Variants in CDC25C observed in about 807,000 individuals in gnomAD.
CDC25C encodes the protein M-phase inducer phosphatase 3.
Under a neutral mutation model 52.5 loss-of-function variants are expected in CDC25C, and 48 were observed. That is an observed-to-expected ratio of 0.91 (90% confidence interval 0.72 to 1.16). CDC25C has a LOEUF of 1.16. CDC25C is among the 50% of genes most tolerant of loss of function. The probability of loss-of-function intolerance (pLI) is 0.00; values close to 1 mark genes in which losing one functional copy is unlikely to be tolerated. For synonymous variants in CDC25C, 187 were observed against 206.5 expected (o/e 0.91, Z 0.81); for missense variants, 510 against 566.1 (o/e 0.90, Z 1.01).
intron 7 of CDC25C, among the ~76,000 whole-genome samples, chr5:138,292,962 T>C (rs1308470878): frequency 5.3e-5 from 8 of 152,314 alleles, no homozygotes; most frequent in African/African-American, 1.7e-4. Flanking sequence ...CTACCTGTTA[T>C]GGACTGATTT....
Position 138,286,637 on chromosome 5 carries a change from A to G in CDC25C, c.1027-7T>C. On this transcript the variant is annotated splice_region_variant and splice_polypyrimidine_tract_variant and intron_variant, in intron 11 of 13. Transcript: ENST00000323760. ...TATATAAGTTTAAGGCTCCCTGTAGAAGAAGAATTTTAGTAAGTATTTCCT... is the reference window on the plus strand; with the variant it reads ...TATATAAGTTTAAGGCTCCCTGTAGGAGAAGAATTTTAGTAAGTATTTCCT... 1 of 1,606,394 alleles carries G rather than the reference A, an allele frequency of 6.2e-7. No homozygotes were observed. Among genetic ancestry groups the G allele is most frequent in the Non-Finnish European group, 8.5e-7 (1 of 1,176,402 alleles).
chr5:138,327,946 A>T (rs566093322), intron 4 of CDC25C, among the ~76,000 whole-genome samples: 141 of 151,708 alleles, frequency 9.3e-4, no homozygotes, highest in African/African-American at 3.3e-3. Flanking sequence ...GGCTCACTGC[A>T]ACCTCCGCCT....
In CDC25C at chr5:138,330,976, A is replaced by G. The variant is rs1328407660; in HGVS notation, c.194+11T>C. 1 of 1,565,662 alleles carries G rather than the reference A, an allele frequency of 6.4e-7. No individual in the cohort carries two copies. Among genetic ancestry groups the G allele is most frequent in the Non-Finnish European group, 8.8e-7 (1 of 1,136,430 alleles). On this transcript the variant is annotated intron_variant, in intron 2 of 13. Transcript: ENST00000323760. ...AAAGGCAATACAGTGTAAAAATAAA[A>G]GTATATTTACCCAGACAAAATGCTT...
chr5:138,289,761 C>T (rs1345865632), intron 9 of CDC25C, among the ~76,000 whole-genome samples, 198 bp from the exon 10 acceptor site: 9 of 150,416 alleles, frequency 6.0e-5, no homozygotes, highest in Admixed American at 3.3e-4. Context: ...AGGATGTGTA[C>T]GAAGTTTTAG....
At chr5:138,287,832 C>T (rs1756377829) in intron 10 of CDC25C, among the ~76,000 whole-genome samples, 1 of 152,074 alleles carries the variant, frequency 6.6e-6, no homozygotes, top group South Asian at 2.1e-4. Flanking sequence ...CTTAAGTAAA[C>T]AGGAAAAGTA....
intron 7 of CDC25C, among the ~76,000 whole-genome samples, chr5:138,316,938 G>A (rs770621150): frequency 1.6e-4 from 24 of 152,024 alleles, no homozygotes; most frequent in Non-Finnish European, 3.1e-4. Flanking sequence ...TTACCTCGAC[G>A]CAGGACAACA....
intron 7 of CDC25C, among the ~76,000 whole-genome samples, chr5:138,304,961 C>A (rs563856009): frequency 6.6e-6 from 1 of 152,282 alleles, no homozygotes; most frequent in African/African-American, 2.4e-5. Flanking sequence ...CTCACCATAG[C>A]CTAAAGACCC....
At chr5:138,304,331 CTTTTTTTT>C (rs558050918) in intron 7 of CDC25C, among the ~76,000 whole-genome samples, 12 of 100,892 alleles carry the variant, frequency 1.2e-4, no homozygotes, top group Admixed American at 3.3e-4. Flanking sequence ...CCATGCCTGG[CTTTTTTTT>C]TTTTTTTTTT....
At chr5:138,321,805 A>T (rs1759430189) in intron 6 of CDC25C, among the ~76,000 whole-genome samples, 1 of 145,950 alleles carries the variant, frequency 6.9e-6, no homozygotes, top group Non-Finnish European at 1.5e-5. Flanking sequence ...TTATCTTCAT[A>T]GGATAGAATA....
At chr5:138,327,792 C>CA (rs1444330831) in intron 4 of CDC25C, among the ~76,000 whole-genome samples, 8 of 151,676 alleles carry the variant, frequency 5.3e-5, no homozygotes, top group African/African-American at 1.9e-4. Context: ...AAAAACTTGT[C>CA]AGAGTCACAA....
chr5:138,325,574 T>C (rs1291036210), intron 6 of CDC25C, among the ~76,000 whole-genome samples: 1 of 152,158 alleles, frequency 6.6e-6, no homozygotes, highest in Non-Finnish European at 1.5e-5. Flanking sequence ...GTCCTCAAAA[T>C]GATCAACTGA....
At chr5:138,323,007 G>C (rs776295036) in intron 6 of CDC25C, among the ~76,000 whole-genome samples, 6 of 151,358 alleles carry the variant, frequency 4.0e-5, no homozygotes, top group Non-Finnish European at 7.4e-5. Flanking sequence ...CTGCACTGGA[G>C]TGCAGTGGTG....
chr5:138,331,828 A>C, upstream of CDC25C: 1 of 985,856 alleles, frequency 1.0e-6, no homozygotes, highest in Non-Finnish European at 1.2e-6. Flanking sequence ...GGCGTTGACC[A>C]TTCAAACCTT....
At chr5:138,325,048 C>T (rs927372354) in intron 6 of CDC25C, among the ~76,000 whole-genome samples, 3 of 151,864 alleles carry the variant, frequency 2.0e-5, no homozygotes, top group South Asian at 2.1e-4. Context: ...CCAGCCTGGG[C>T]GATGGAGCGA....
chr5:138,290,534 G>A (rs1756619371), intron 9 of CDC25C, 105 bp downstream of exon 9: 1 of 702,890 alleles, frequency 1.4e-6, no homozygotes, highest in Non-Finnish European at 2.6e-6. Flanking sequence ...TTACCAAAGA[G>A]TACTTGGTGA....
chr5:138,299,140 C>G (rs1227985350), intron 7 of CDC25C, among the ~76,000 whole-genome samples: 1 of 147,796 alleles, frequency 6.8e-6, no homozygotes, highest in Non-Finnish European at 1.5e-5. Context: ...TTGCAGTGAG[C>G]CAAGATCGCA....
At chr5:138,302,440 C>T (rs1020521277) in intron 7 of CDC25C, among the ~76,000 whole-genome samples, 1 of 151,962 alleles carries the variant, frequency 6.6e-6, no homozygotes, top group African/African-American at 2.4e-5. Flanking sequence ...TGGCTCATAC[C>T]TGTAATCCCA....
At chr5:138,322,466 ATTTTTT>A (rs71585117) in intron 6 of CDC25C, among the ~76,000 whole-genome samples, 7 of 67,940 alleles carry the variant, frequency 1.0e-4, no homozygotes, top group African/African-American at 2.5e-4. Context: ...CGCCCGGCTA[ATTTTTT>A]TTTTTTTTTT....
At chr5:138,331,505 T>C in intron 1 of CDC25C, 90 bp downstream of exon 1, 1 of 1,016,408 alleles carries the variant, frequency 9.8e-7, no homozygotes, top group Non-Finnish European at 1.2e-6. Context: ...CATTCGGCCC[T>C]CCCAACCTCT....
Sources: gnomAD v4.1 joint callset for allele counts (sites outside exome capture counted in the v4.1 genomes callset) on GRCh38, gnomAD v4.1.1 for gene constraint, MANE v1.5 for transcripts, NCBI Gene and HGNC (gene_info 2026-07-23, HGNC 2026-07-21) for gene names.